The following PCDHGA4 variants were observed in gnomAD, a reference collection of about 807,000 sequenced individuals.
The protein encoded by PCDHGA4 is protocadherin gamma-A4.
In PCDHGA4, 38 loss-of-function variants were observed where a neutral mutation model predicts 54.6. The observed-to-expected ratio is 0.70, with a 90% CI of 0.54 to 0.91. PCDHGA4 has a LOEUF of 0.91. Among genes scored for constraint, PCDHGA4 ranks in the 40% least tolerant of loss-of-function variants. The pLI is 0.00. For synonymous variants in PCDHGA4, 511 were observed against 512.9 expected, an observed-to-expected ratio of 1.00 and a Z score of 0.05; for missense variants, 1,298 against 1,220.9, an observed-to-expected ratio of 1.06 and a Z score of -0.94.
intron 1 of PCDHGA4, among the ~76,000 whole-genome samples, chr5:141,442,917 G>A (rs1041756930): frequency 6.6e-6 from 1 of 152,178 alleles, no homozygotes; most frequent in Non-Finnish European, 1.5e-5. Context: ...GCACACAACT[G>A]TTTCATTTTC....
intron 1 of PCDHGA4, among the ~76,000 whole-genome samples, chr5:141,453,710 A>C (rs988115758): frequency 3.9e-5 from 6 of 152,242 alleles, no homozygotes; most frequent in African/African-American, 1.4e-4. Context: ...GAACAGTTTC[A>C]CTATAAAAAT....
In PCDHGA4 at chr5:141,432,872, C is replaced by G; in HGVS notation, c.2515-61935C>G. 4 of 1,614,192 alleles carry G rather than the reference C, an allele frequency of 2.5e-6. No individual in the cohort carries two copies. The highest frequency in any genetic ancestry group is 3.4e-6 in the Non-Finnish European group (4 of 1,180,018). ...GGTGGCCGCGGTCTCCTGCGTCTTCCTGGCCTTCGTCATCTTGCTGCTGGC... is the reference window on the plus strand; with the variant it reads ...GGTGGCCGCGGTCTCCTGCGTCTTCGTGGCCTTCGTCATCTTGCTGCTGGC... On this transcript the variant is annotated intron_variant, in intron 1 of 3. Coordinates refer to ENST00000571252, the MANE Select transcript of PCDHGA4 (RefSeq NM_018917.4). The surrounding 1 kb of genome is among the most constrained non-coding windows in gnomAD (Gnocchi z 6.0).
intron 1 of PCDHGA4, chr5:141,417,644 A>G (rs2096142506): frequency 3.9e-6 from 3 of 779,086 alleles, no homozygotes; most frequent in Non-Finnish European, 5.8e-6. Context: ...GGGATCCCTC[A>G]GCCTCTAGCC....
chr5:141,500,499 G>T lies in PCDHGA4; in HGVS notation c.2574-4894G>T, dbSNP rs531501031. On this transcript the variant is annotated intron_variant, in intron 2 of 3. Transcript: ENST00000571252. ...GCTGGGATTACAGGCGTGAGCCACC[G>T]CGCCTGGCCGAGCTTCATTTTAAAA... Among the ~76,000 whole-genome samples, 24 of 152,088 alleles carry T rather than the reference G, an allele frequency of 1.6e-4. 1 individual carries two copies. In the Middle Eastern group the frequency reaches 0.01, roughly 65 times the overall value.
At chr5:141,375,373 A>G (rs540129406) in intron 1 of PCDHGA4, 113 of 1,613,776 alleles carry the variant, frequency 7.0e-5, no homozygotes, top group Non-Finnish European at 3.2e-5. Flanking sequence ...AAGGAACACC[A>G]CCTCTGTCTA....
At chr5:141,415,036 T>C (rs772612744) in intron 1 of PCDHGA4, 1 of 1,613,526 alleles carries the variant, frequency 6.2e-7, no homozygotes, top group Admixed American at 1.7e-5. Context: ...GCCGGGACTC[T>C]TCGCGGTGGG....
In PCDHGA4 at chr5:141,409,431, T is replaced by C. The variant is rs191277647; in HGVS notation, c.2514+51810T>C. 41 of 1,614,006 alleles carry C rather than the reference T, an allele frequency of 2.5e-5. No homozygotes were observed. In the African/African-American group the frequency reaches 3.9e-4, roughly 15 times the overall value. Reference sequence around the variant, plus strand: ...TACAAACTGGTGACAGATGGAGCCCTGGACCGAGAGCAGACACCAGAATAC... The same window carrying C: ...TACAAACTGGTGACAGATGGAGCCCCGGACCGAGAGCAGACACCAGAATAC... On this transcript the variant is annotated intron_variant, in intron 1 of 3. Transcript: ENST00000571252.
chr5:141,494,153 G>T (rs2099752286), intron 1 of PCDHGA4, among the ~76,000 whole-genome samples: 1 of 152,186 alleles, frequency 6.6e-6, no homozygotes, highest in Non-Finnish European at 1.5e-5. Flanking sequence ...CCATTGTCTG[G>T]CACGGAGTTC....
At chr5:141,413,561 A>G in intron 1 of PCDHGA4, 1 of 1,613,924 alleles carries the variant, frequency 6.2e-7, no homozygotes. Flanking sequence ...GAAGTAACTG[A>G]TATCAATGAC....
chr5:141,436,063 A>G (rs1406994228), intron 1 of PCDHGA4, among the ~76,000 whole-genome samples: 1 of 152,230 alleles, frequency 6.6e-6, no homozygotes, highest in Non-Finnish European at 1.5e-5. Flanking sequence ...ATAGAATTTA[A>G]TAAGTACAGT....
At chr5:141,492,710 G>A (rs11953270) in intron 1 of PCDHGA4, among the ~76,000 whole-genome samples, 27,341 of 152,278 alleles carry the variant, frequency 0.18, 2,647 homozygotes, top group Admixed American at 0.28. Flanking sequence ...GAAGCCTCGA[G>A]CAGGCGGACA....
At chr5:141,430,782 G>A (rs1220976669) in intron 1 of PCDHGA4, 2 of 1,510,858 alleles carry the variant, frequency 1.3e-6, no homozygotes, top group Non-Finnish European at 1.8e-6. Flanking sequence ...CGACTGCACC[G>A]GGACTACAAA....
intron 2 of PCDHGA4, among the ~76,000 whole-genome samples, chr5:141,497,290 C>A (rs182104163): frequency 4.7e-4 from 72 of 152,184 alleles, no homozygotes; most frequent in Middle Eastern, 3.4e-3. Flanking sequence ...CTCTACCTAC[C>A]ACCACCCCAG....
chr5:141,498,673 T>C (rs1158071657), intron 2 of PCDHGA4, among the ~76,000 whole-genome samples: 1 of 152,180 alleles, frequency 6.6e-6, no homozygotes, highest in Non-Finnish European at 1.5e-5. Flanking sequence ...GGCTCACGCC[T>C]GTAATCCCAG....
At position 141,444,152 on chromosome 5, in the gene PCDHGA4, A is replaced by ATTT. The variant is rs747671382; in HGVS notation, c.2515-50621_2515-50619dup. 1.9e-3 allele frequency among the ~76,000 whole-genome samples: 66 copies of ATTT among 33,898 alleles called. 23 individuals are homozygous for ATTT. Among genetic ancestry groups the ATTT allele is most frequent in the African/African-American group, 4.6e-3 (33 of 7,184 alleles). The allele number at this position is 33,898 out of a possible 152,430, so 22.2% of individuals were successfully genotyped here. A position where few individuals can be genotyped will look rare whatever the true frequency, so the allele number is the denominator to read the frequency against. On this transcript the variant is annotated intron_variant, in intron 1 of 3. Transcript: ENST00000571252. Reference sequence around the variant, plus strand: ...GATATGTGTCACTTGTGTGTACTGGATTTTTTTTTTTTTTTTTTTTTTTTT... The same window carrying ATTT: ...GATATGTGTCACTTGTGTGTACTGGATTTTTTTTTTTTTTTTTTTTTTTTTTTT...
chr5:141,365,948 C>T, intron 1 of PCDHGA4: 1 of 1,614,186 alleles, frequency 6.2e-7, no homozygotes, highest in Non-Finnish European at 8.5e-7. Context: ...CAGTGGGAAC[C>T]CTCCACTTAG....
At chr5:141,383,138 G>A (rs538619604) in intron 1 of PCDHGA4, 56 of 1,614,132 alleles carry the variant, frequency 3.5e-5, no homozygotes, top group Admixed American at 2.7e-4. Flanking sequence ...CTGAACCAGC[G>A]CAGCGGCAGC....
chr5:141,376,836 G>T, intron 1 of PCDHGA4: 1 of 252,676 alleles, frequency 4.0e-6, no homozygotes, highest in Admixed American at 5.1e-5. Context: ...ACAGGCGCCC[G>T]CCACCGCGCC....
At chr5:141,417,826 A>T in intron 1 of PCDHGA4, 1 of 1,519,618 alleles carries the variant, frequency 6.6e-7, no homozygotes. Flanking sequence ...CTCCAACTGG[A>T]AAAGCGGGGA....
Sources: gnomAD v4.1 joint callset for allele counts (sites outside exome capture counted in the v4.1 genomes callset) on GRCh38, gnomAD v4.1.1 for gene constraint, Gnocchi (gnomAD v3.1) non-coding constraint, MANE v1.5 for transcripts, NCBI Gene and HGNC (gene_info 2026-07-23, HGNC 2026-07-21) for gene names.